NOTCH2: variants seen among roughly 807,000 people sequenced by gnomAD.
NOTCH2 encodes notch receptor 2.
A neutral mutation model predicts 235.8 loss-of-function variants in NOTCH2; 29 were observed. The observed-to-expected ratio is 0.12, with a 90% CI of 0.09 to 0.17. NOTCH2 has a LOEUF of 0.17. Among genes scored for constraint, NOTCH2 ranks in the 10% least tolerant of loss-of-function variants. NOTCH2 has a pLI of 1.00. For missense variants in NOTCH2, 2,285 were observed against 3,150.2 expected, an observed-to-expected ratio of 0.73 and a Z score of 6.57; for synonymous variants, 1,086 against 1,141.5, an observed-to-expected ratio of 0.95 and a Z score of 0.98.
Position 120,069,391 on chromosome 1 carries a change from G to C in NOTCH2, c.16C>G (p.Pro6Ala), listed in dbSNP as rs781993162. 6.4e-7 allele frequency: 1 copy of C among 1,552,134 alleles called. No homozygotes were observed. Among genetic ancestry groups the C allele is most frequent in the African/African-American group, 1.4e-5 (1 of 72,580 alleles). Residue 6 changes from proline to alanine, a missense_variant, in exon 1 of 34, where the codon CCC becomes GCC. Pro to Ala is a conservative substitution (Grantham distance 27). Transcript: ENST00000256646. ...GCCAGCAGCGCCCACAGCAGAGCGG[G>C]GCGCAGGGCGGGCATCTTCTCGGTC... MPALR[P>A]ALLWALLALW...
chr1:119,978,235 A>G (rs587724946), intron 5 of NOTCH2, among the ~76,000 whole-genome samples: 1 of 152,246 alleles, frequency 6.6e-6, no homozygotes, highest in South Asian at 2.1e-4. Context: ...AGCATGGTTC[A>G]TTTGCGGCAA....
At chr1:119,946,355 G>T (rs1650254501) in intron 17 of NOTCH2, among the ~76,000 whole-genome samples, 1 of 152,014 alleles carries the variant, frequency 6.6e-6, no homozygotes, top group Non-Finnish European at 1.5e-5. Context: ...GGTAGTCCAA[G>T]AAACCTGGAG....
chr1:119,916,512 G>A lies in NOTCH2; in HGVS notation c.6210C>T (p.Ser2070=), dbSNP rs2101144761. Residue 2070 remains serine, a synonymous_variant, in exon 34 of 34, where the codon AGC becomes AGT. Transcript: ENST00000256646. ...CAGAAGTCAACACGGTGCCTGGAGGGCTTGGGGTCACATTGTATTCATCCA... is the reference window on the plus strand; with the variant it reads ...CAGAAGTCAACACGGTGCCTGGAGGACTTGGGGTCACATTGTATTCATCCA... ...RLLDEYNVTP[S]PPGTVLTSAL... 2 of 1,612,672 alleles carry A rather than the reference G, an allele frequency of 1.2e-6. 1 individual carries two copies. The highest frequency in any genetic ancestry group is 1.7e-6 in the Non-Finnish European group (2 of 1,178,716).
In NOTCH2 at chr1:119,923,918, C is replaced by A. The variant is rs769513920; in HGVS notation, c.4578G>T (p.Glu1526Asp). 1.2e-6 allele frequency: 2 copies of A among 1,614,212 alleles called. No homozygotes were observed. Among genetic ancestry groups the A allele is most frequent in the South Asian group, 1.1e-5 (1 of 91,088 alleles). The change falls in exon 26 of 34, where the codon GAG becomes GAT. Residue 1526 changes from glutamate (E) to aspartate (D), a missense_variant. Coordinates refer to ENST00000256646, the MANE Select transcript of NOTCH2 (RefSeq NM_024408.4). ...CACAGTCCAGCCCATCCCAACCACA[C>A]TCCTCACTGTTGCACCCCTGGTCAC... is the stretch of plus-strand genomic sequence containing the variant. ...NHCDQGCNSE[E>D]CGWDGLDCAA...
At chr1:119,991,839 A>AAAAAG (rs1361932645) in intron 4 of NOTCH2, among the ~76,000 whole-genome samples, 76 of 129,490 alleles carry the variant, frequency 5.9e-4, no homozygotes, top group South Asian at 5.1e-3. Flanking sequence ...AAAAAAAAAA[A>AAAAAG]AAAAGAAAAG....
chr1:119,965,421 A>ACT lies in NOTCH2; in HGVS notation c.1681+31_1681+32insAG, dbSNP rs782789207. On this transcript the variant is annotated intron_variant, in intron 10 of 33. Coordinates refer to ENST00000256646, the MANE Select transcript of NOTCH2 (RefSeq NM_024408.4). ...CACCCTATTTTGTTCAGATGGACCT[A>ACT]CCAAGGAGATGAAAAGTGAGAAGAA... is the stretch of plus-strand genomic sequence containing the variant. The ACT allele has an allele frequency of 7.2e-6, 11 of 1,528,076 alleles. No homozygotes were observed. In the African/African-American group the frequency reaches 1.5e-4, roughly 21 times the overall value. The allele number at this position is 1,528,076 out of a possible 1,614,324, so 94.7% of individuals were successfully genotyped here. A position where few individuals can be genotyped will look rare whatever the true frequency, so the allele number is the denominator to read the frequency against.
chr1:120,015,039 AAC>A (rs1553207710), intron 2 of NOTCH2, among the ~76,000 whole-genome samples: 8 of 151,204 alleles, frequency 5.3e-5, no homozygotes, highest in African/African-American at 1.9e-4. Flanking sequence ...TTCAAAAAAA[AAC>A]AACAACAACA....
At position 119,926,576 on chromosome 1, in the gene NOTCH2, G is replaced by A. The variant is rs2101164931; in HGVS notation, c.3928C>T (p.Gln1310Ter). 1 of 1,609,570 alleles carries A rather than the reference G, an allele frequency of 6.2e-7. No homozygotes were observed. Among genetic ancestry groups the A allele is most frequent in the Non-Finnish European group, 8.5e-7 (1 of 1,177,620 alleles). Residue 1310 changes from glutamine (Q) to a stop codon, truncating the protein, a stop_gained, in exon 24 of 34, where the codon CAG becomes TAG. Transcript: ENST00000256646. LOFTEE classifies it high-confidence loss of function. ...GTCCCTCCATTCAGGCAGGGCATCT[G>A]GGGACACACATCGACGAAGGTTTCA... ...HCETFVDVCPQMPCLNGGTCA... is the reference protein window; with the variant it reads ...HCETFVDVCP
chr1:119,980,061 CATG>C (rs1651754797), intron 5 of NOTCH2, among the ~76,000 whole-genome samples: 1 of 152,172 alleles, frequency 6.6e-6, no homozygotes, highest in South Asian at 2.1e-4. Flanking sequence ...TCCTGTCTCG[CATG>C]ATATCAACAT....
chr1:119,918,557 G>T lies in NOTCH2; in HGVS notation c.5782-4C>A. ...TTACTCGGTTGCGAATCAGAATCTA[G>T]AAGAGGAGAAAGTACAGAAAAGAGA... On this transcript the variant is annotated splice_region_variant and splice_polypyrimidine_tract_variant and intron_variant, in intron 31 of 33. Coordinates refer to ENST00000256646, the MANE Select transcript of NOTCH2 (RefSeq NM_024408.4). The T allele has an allele frequency of 6.2e-7, 1 of 1,614,004 alleles. No individual in the cohort carries two copies.
intron 17 of NOTCH2, among the ~76,000 whole-genome samples, chr1:119,947,548 A>G (rs587720441): frequency 3.6e-4 from 55 of 152,336 alleles, no homozygotes; most frequent in South Asian, 8.3e-4. Context: ...ACTTTCATAC[A>G]ATTCTGGTGA....
chr1:119,924,754 A>T (rs1649413047), intron 25 of NOTCH2, among the ~76,000 whole-genome samples: 2 of 152,216 alleles, frequency 1.3e-5, no homozygotes, highest in South Asian at 4.1e-4. Flanking sequence ...CCTATGAAAG[A>T]ATGTTAGTAA....
intron 5 of NOTCH2, among the ~76,000 whole-genome samples, chr1:119,974,694 AT>A (rs1160279723): frequency 4.6e-5 from 7 of 151,970 alleles, no homozygotes; most frequent in African/African-American, 1.7e-4. Flanking sequence ...CACCTGAAAC[AT>A]TTTTTCCCTG....
chr1:120,001,091 G>C (rs1425894992), intron 3 of NOTCH2, among the ~76,000 whole-genome samples: 2 of 151,992 alleles, frequency 1.3e-5, no homozygotes, highest in African/African-American at 4.8e-5. Context: ...ATTTTCTCTT[G>C]CCACCACCAC....
chr1:119,921,363 T>C (rs1470081881), intron 29 of NOTCH2, among the ~76,000 whole-genome samples: 1 of 152,190 alleles, frequency 6.6e-6, no homozygotes, highest in Non-Finnish European at 1.5e-5. Context: ...TTTCATCTTC[T>C]CTTATAGAAG....
intron 31 of NOTCH2, 50 bp from the exon 32 acceptor site, chr1:119,918,603 T>A: frequency 6.3e-7 from 1 of 1,595,638 alleles, no homozygotes; most frequent in South Asian, 1.1e-5. Flanking sequence ...TGAAGGAAAA[T>A]AATGAAACTC....
intron 12 of NOTCH2, 23 bp downstream of exon 12, chr1:119,959,369 C>A (rs782260494): frequency 1.1e-5 from 13 of 1,227,336 alleles, no homozygotes; most frequent in South Asian, 9.6e-5. Context: ...GAAGGAGGGG[C>A]CTTGCAGTAA....
intron 1 of NOTCH2, among the ~76,000 whole-genome samples, chr1:120,048,228 T>C (rs1163665247): frequency 2.1e-5 from 3 of 139,844 alleles, no homozygotes; most frequent in Non-Finnish European, 3.0e-5. Context: ...AATATTCACA[T>C]ATATACGTGC....
intron 29 of NOTCH2, 93 bp downstream of exon 29, chr1:119,921,620 C>T: frequency 1.0e-6 from 1 of 1,001,710 alleles, no homozygotes; most frequent in Non-Finnish European, 1.6e-6. Flanking sequence ...TCACTCTTTA[C>T]TCCCATTCAG....
Sources: gnomAD v4.1 joint callset for allele counts (sites outside exome capture counted in the v4.1 genomes callset) on GRCh38, gnomAD v4.1.1 for gene constraint, MANE v1.5 for transcripts, NCBI Gene and HGNC (gene_info 2026-07-23, HGNC 2026-07-21) for gene names.